CSMD1: variants seen among roughly 807,000 people sequenced by gnomAD.
CSMD1 encodes the protein CUB and Sushi multiple domains 1, also known as CUB and sushi domain-containing protein 1.
A neutral mutation model predicts 417.5 loss-of-function variants in CSMD1; 213 were observed. The observed-to-expected ratio is 0.51, with a 90% CI of 0.46 to 0.57. The LOEUF (loss-of-function observed/expected upper bound fraction) is 0.57, where lower values mean the gene tolerates loss of function less well. Ranked by LOEUF, CSMD1 falls within the 20% of genes least tolerant of loss-of-function variation. The pLI, the probability that CSMD1 is intolerant of heterozygous loss-of-function variation, is 0.00. For missense variants in CSMD1, 6,923 were observed against 4,529.7 expected (o/e 1.53, Z -15.17); for synonymous variants, 2,862 against 1,736.8 (o/e 1.65, Z -16.11).
At chr8:3,888,711 G>C (rs1477378039) in intron 5 of CSMD1, among the ~76,000 whole-genome samples, 3 of 152,136 alleles carry the variant, frequency 2.0e-5, no homozygotes, top group African/African-American at 7.2e-5. Context: ...TGGTGCTGCT[G>C]GCTGAAGACC....
intron 3 of CSMD1, among the ~76,000 whole-genome samples, chr8:4,291,475 A>G (rs1037883311): frequency 1.3e-5 from 2 of 152,070 alleles, no homozygotes; most frequent in Admixed American, 1.3e-4. Context: ...TTTCTTTTTT[A>G]TCTACTAATT....
At chr8:4,708,639 C>G (rs1808097042) in intron 1 of CSMD1, among the ~76,000 whole-genome samples, 1 of 151,914 alleles carries the variant, frequency 6.6e-6, no homozygotes, top group Non-Finnish European at 1.5e-5. Flanking sequence ...CTAGTGTTTT[C>G]TGTCATCATT....
At chr8:4,614,732 A>C (rs1801379560) in intron 2 of CSMD1, among the ~76,000 whole-genome samples, 2 of 152,204 alleles carry the variant, frequency 1.3e-5, no homozygotes, top group African/African-American at 4.8e-5. Flanking sequence ...AAAATATTCA[A>C]TTACAGTGGA....
At chr8:3,732,337 A>T (rs1323392255) in intron 6 of CSMD1, among the ~76,000 whole-genome samples, 2 of 152,232 alleles carry the variant, frequency 1.3e-5, no homozygotes, top group Non-Finnish European at 2.9e-5. Context: ...ACCTGTGTGG[A>T]TCACAGCCTC....
chr8:4,329,487 C>G (rs1328294457), intron 3 of CSMD1, among the ~76,000 whole-genome samples: 3 of 152,134 alleles, frequency 2.0e-5, no homozygotes, highest in African/African-American at 7.2e-5. Context: ...GGCATTTCAC[C>G]ACGTTGGCCA....
chr8:4,359,911 A>T (rs1338539958), intron 3 of CSMD1, among the ~76,000 whole-genome samples: 2 of 152,326 alleles, frequency 1.3e-5, no homozygotes, highest in African/African-American at 4.8e-5. Flanking sequence ...ACCACAGTTT[A>T]AAACATCAAC....
rs148117797 is a variant in CSMD1 at position 3,650,866 on chromosome 8, G to A, written c.1010-34069C>T. On this transcript the variant is annotated intron_variant, in intron 7 of 69. Coordinates refer to ENST00000635120, the MANE Select transcript of CSMD1 (RefSeq NM_033225.6). ...TGACATCTCCCCTGTATGTAACTAT[G>A]ACTATGTAACATCTCTTCTGGAATA... Among the ~76,000 whole-genome samples, 118 of 152,168 alleles carry A rather than the reference G, an allele frequency of 7.8e-4. 1 individual carries two copies. In the East Asian group the frequency reaches 7.9e-3, roughly 10 times the overall value.
In CSMD1 at chr8:2,958,609, T is replaced by C. The variant is rs78083335; in HGVS notation, c.9703-802A>G. On this transcript the variant is annotated intron_variant, in intron 62 of 69. Coordinates refer to ENST00000635120, the MANE Select transcript of CSMD1 (RefSeq NM_033225.6). Reference sequence around the variant, plus strand: ...GCACCAAAGATCATCCATGGTTCTGTGTATCTGCAGCATGAGGCCAGCATG... The same window carrying C: ...GCACCAAAGATCATCCATGGTTCTGCGTATCTGCAGCATGAGGCCAGCATG... Among the ~76,000 whole-genome samples the C allele has an allele frequency of 9.8e-4, 150 of 152,320 alleles. 1 individual carries two copies. The highest frequency in any genetic ancestry group is 3.6e-3 in the African/African-American group (149 of 41,570).
At chr8:3,599,117 G>C (rs28641914) in intron 8 of CSMD1, among the ~76,000 whole-genome samples, 1 of 149,134 alleles carries the variant, frequency 6.7e-6, no homozygotes, top group African/African-American at 2.5e-5. Context: ...GATTGCAATT[G>C]CTTACTGCTG....
At chr8:4,469,210 G>T (rs535790297) in intron 2 of CSMD1, among the ~76,000 whole-genome samples, 2 of 152,130 alleles carry the variant, frequency 1.3e-5, no homozygotes, top group African/African-American at 4.8e-5. Flanking sequence ...ACCTCTCCAA[G>T]GCCAAGACCT....
At chr8:3,624,462 C>T (rs1033906551) in intron 7 of CSMD1, among the ~76,000 whole-genome samples, 54 of 152,292 alleles carry the variant, frequency 3.5e-4, no homozygotes, top group Non-Finnish European at 3.1e-4. Flanking sequence ...CTTTTTAGCA[C>T]GAAGGCACTT....
intron 1 of CSMD1, among the ~76,000 whole-genome samples, chr8:4,748,125 T>C (rs972562059): frequency 2.6e-5 from 4 of 152,178 alleles, no homozygotes; most frequent in African/African-American, 7.2e-5. Context: ...AACAATGACA[T>C]GCTACCAACC....
intron 2 of CSMD1, among the ~76,000 whole-genome samples, chr8:4,565,794 A>ATATG (rs1364176969): frequency 8.9e-5 from 6 of 67,560 alleles, no homozygotes; most frequent in African/African-American, 2.7e-4. Flanking sequence ...ATATATATAT[A>ATATG]TATGTATACA....
intron 2 of CSMD1, among the ~76,000 whole-genome samples, chr8:4,569,545 T>C (rs971585659): frequency 1.3e-5 from 2 of 152,126 alleles, no homozygotes. Context: ...CAGTTACTCT[T>C]GTCTTGTAAT....
chr8:4,539,691 GA>G (rs1236161112), intron 2 of CSMD1, among the ~76,000 whole-genome samples: 1 of 152,172 alleles, frequency 6.6e-6, no homozygotes, highest in Admixed American at 6.5e-5. Context: ...TATAGTAGGG[GA>G]AAATATCCTA....
At chr8:3,734,601 C>T (rs189254681) in intron 6 of CSMD1, among the ~76,000 whole-genome samples, 82 of 152,264 alleles carry the variant, frequency 5.4e-4, no homozygotes, top group Admixed American at 1.5e-3. Context: ...ATCCCAACTA[C>T]TCGGGAGTCT....
chr8:4,717,400 TACATATATAC>T (rs1345679398), intron 1 of CSMD1, among the ~76,000 whole-genome samples: 8 of 150,032 alleles, frequency 5.3e-5, no homozygotes, highest in East Asian at 2.0e-4. Context: ...CATACATATA[TACATATATAC>T]ACACACACTA....
intron 10 of CSMD1, among the ~76,000 whole-genome samples, chr8:3,568,775 G>T (rs186462716): frequency 1.3e-5 from 2 of 151,922 alleles, no homozygotes; most frequent in East Asian, 1.9e-4. Flanking sequence ...ATACCTAAAA[G>T]ATGTTAGTAG....
At chr8:4,276,145 C>T (rs185698256) in intron 3 of CSMD1, among the ~76,000 whole-genome samples, 2 of 152,134 alleles carry the variant, frequency 1.3e-5, no homozygotes, top group African/African-American at 2.4e-5. Context: ...GGTTATAAAT[C>T]ATTATGCTAT....
Sources: gnomAD v4.1 joint callset for allele counts (sites outside exome capture counted in the v4.1 genomes callset) on GRCh38, gnomAD v4.1.1 for gene constraint, MANE v1.5 for transcripts, NCBI Gene and HGNC (gene_info 2026-07-23, HGNC 2026-07-21) for gene names.